KIZ: variants seen among roughly 807,000 people sequenced by gnomAD.
KIZ encodes the protein kizuna centrosomal protein.
KIZ carries 68 observed loss-of-function variants against 79.6 expected under a neutral mutation model. The ratio of observed to expected loss-of-function variants is 0.85; its 90% CI spans 0.70 to 1.05. The LOEUF is 1.05. Ranked by LOEUF, KIZ falls within the 50% of genes least tolerant of loss-of-function variation. The pLI is 0.00. For synonymous variants in KIZ, 280 were observed against 281.8 expected, an observed-to-expected ratio of 0.99 and a Z score of 0.06; for missense variants, 797 against 800.4, an observed-to-expected ratio of 1.00 and a Z score of 0.05.
At chr20:21,200,909 G>T (rs1365408185) in intron 6 of KIZ, among the ~76,000 whole-genome samples, 1 of 152,268 alleles carries the variant, frequency 6.6e-6, no homozygotes, top group Non-Finnish European at 1.5e-5. Flanking sequence ...TATGGGCCAG[G>T]TGGCTAACGC....
intron 9 of KIZ, among the ~76,000 whole-genome samples, chr20:21,224,959 T>G (rs961585585): frequency 1.3e-5 from 2 of 152,210 alleles, no homozygotes; most frequent in African/African-American, 2.4e-5. Flanking sequence ...TAGCTGTTTC[T>G]ATTTTCTATA....
chr20:21,202,740 C>T (rs1235821430), intron 6 of KIZ, among the ~76,000 whole-genome samples: 1 of 152,218 alleles, frequency 6.6e-6, no homozygotes, highest in Non-Finnish European at 1.5e-5. Flanking sequence ...GTACTCCTGA[C>T]ATTTTATTGC....
At chr20:21,238,171 C>T (rs1358506495) in intron 11 of KIZ, among the ~76,000 whole-genome samples, 1 of 151,900 alleles carries the variant, frequency 6.6e-6, no homozygotes, top group Non-Finnish European at 1.5e-5. Context: ...ATTGTGCTTC[C>T]TGAGTGAGTA....
intron 6 of KIZ, among the ~76,000 whole-genome samples, chr20:21,169,534 A>T (rs1217819550): frequency 6.6e-6 from 1 of 152,202 alleles, no homozygotes; most frequent in Admixed American, 6.5e-5. Flanking sequence ...TTCCTCAGGG[A>T]TCTAGAACTA....
At chr20:21,246,157 C>A (rs1431707269) in intron 12 of KIZ, 1 of 291,720 alleles carries the variant, frequency 3.4e-6, no homozygotes. Flanking sequence ...CAGGCTGATA[C>A]AACACCCCAG....
chr20:21,191,195 T>G (rs1440544491), intron 6 of KIZ, among the ~76,000 whole-genome samples: 2 of 152,260 alleles, frequency 1.3e-5, no homozygotes, highest in African/African-American at 4.8e-5. Context: ...GGTATCCATC[T>G]CATGCATAGT....
chr20:21,186,868 A>G (rs1169341593), intron 6 of KIZ, among the ~76,000 whole-genome samples: 1 of 151,766 alleles, frequency 6.6e-6, no homozygotes. Flanking sequence ...GTCCACTTTC[A>G]TTTTTCTTAT....
intron 3 of KIZ, 107 bp downstream of exon 3, chr20:21,136,659 C>G (rs2032209554): frequency 1.3e-6 from 1 of 757,928 alleles, no homozygotes; most frequent in Non-Finnish European, 2.0e-6. Flanking sequence ...ACTTGAACAC[C>G]TGGGCTCAAG....
chr20:21,131,603 C>T (rs938349336), intron 1 of KIZ, among the ~76,000 whole-genome samples: 4 of 152,130 alleles, frequency 2.6e-5, no homozygotes, highest in Admixed American at 1.3e-4. Flanking sequence ...AGTCTGGCCA[C>T]GTTACATTTT....
intron 7 of KIZ, among the ~76,000 whole-genome samples, chr20:21,206,104 A>G (rs1307416099): frequency 1.3e-5 from 2 of 152,220 alleles, no homozygotes; most frequent in East Asian, 1.9e-4. Flanking sequence ...TGTTTTATGT[A>G]GGAATTTATT....
chr20:21,232,277 T>C (rs2036860086), intron 10 of KIZ, among the ~76,000 whole-genome samples: 1 of 152,208 alleles, frequency 6.6e-6, no homozygotes, highest in African/African-American at 2.4e-5. Flanking sequence ...GTGGAGATTC[T>C]TTCTCCTCTG....
At chr20:21,240,169 G>A (rs1218018720) in intron 11 of KIZ, among the ~76,000 whole-genome samples, 1 of 152,038 alleles carries the variant, frequency 6.6e-6, no homozygotes, top group Non-Finnish European at 1.5e-5. Flanking sequence ...CTGTCACCCA[G>A]GCTGGAGTGC....
At chr20:21,137,299 G>A (rs1403396628) in intron 3 of KIZ, among the ~76,000 whole-genome samples, 1 of 152,064 alleles carries the variant, frequency 6.6e-6, no homozygotes, top group East Asian at 1.9e-4. Flanking sequence ...GCCTGCTGCT[G>A]CTTGGCTTCC....
At chr20:21,128,413 G>A (rs2031621062) in intron 1 of KIZ, among the ~76,000 whole-genome samples, 1 of 152,158 alleles carries the variant, frequency 6.6e-6, no homozygotes, top group African/African-American at 2.4e-5. Context: ...GAGCAACCCT[G>A]GGTAGTCACA....
intron 9 of KIZ, among the ~76,000 whole-genome samples, chr20:21,220,908 C>G (rs116246938): frequency 0.023 from 3,573 of 152,324 alleles, 137 homozygotes; most frequent in African/African-American, 0.08. Context: ...ATAAACAAAG[C>G]TTGCCTTTCC....
intron 4 of KIZ, among the ~76,000 whole-genome samples, chr20:21,160,390 A>G (rs964571072): frequency 6.6e-6 from 1 of 152,058 alleles, no homozygotes; most frequent in Non-Finnish European, 1.5e-5. Flanking sequence ...ACCTGTTTGG[A>G]TAACACCTGC....
chr20:21,148,764 C>A (rs953583275), intron 4 of KIZ: 9 of 152,162 alleles, frequency 5.9e-5, no homozygotes, highest in Non-Finnish European at 1.2e-4. Context: ...TTTCTTTGAA[C>A]TATTATGCTG....
At position 21,169,334 on chromosome 20, in the gene KIZ, A is replaced by C. The variant is rs556931786; in HGVS notation, c.1352+6175A>C. Among the ~76,000 whole-genome samples, 267 of 151,744 alleles carry C rather than the reference A, an allele frequency of 1.8e-3. 1 individual carries two copies. The highest frequency in any genetic ancestry group is 3.4e-3 in the Middle Eastern group (1 of 290). ...CCAAAAGACACATGAAAAAATGTTC[A>C]TCATCACTGGCCATCAGAGAAATGC... On this transcript the variant is annotated intron_variant, in intron 6 of 12. Coordinates refer to ENST00000619189, the MANE Select transcript of KIZ (RefSeq NM_018474.6).
intron 7 of KIZ, among the ~76,000 whole-genome samples, chr20:21,211,819 T>C (rs2036079610): frequency 6.6e-6 from 1 of 152,240 alleles, no homozygotes. Flanking sequence ...CAAGGCACAG[T>C]GGCTCACGCC....
Sources: allele counts gnomAD v4.1 joint callset (sites outside exome capture counted in the v4.1 genomes callset), GRCh38; gene constraint gnomAD v4.1.1; transcripts MANE v1.5; gene names NCBI Gene and HGNC (gene_info 2026-07-23, HGNC 2026-07-21).